CNBD1: variants seen among roughly 807,000 people sequenced by gnomAD.
The protein encoded by CNBD1 is cyclic nucleotide binding domain containing 1.
CNBD1 carries 71 observed loss-of-function variants against 54.4 expected under a neutral mutation model. That is an observed-to-expected ratio of 1.30 (90% CI 1.08 to 1.59). CNBD1 has a LOEUF of 1.59. Ranked by LOEUF, CNBD1 falls within the 40% of genes most tolerant of loss-of-function variation. CNBD1 has a pLI of 0.00. For synonymous variants in CNBD1, 182 were observed against 170.7 expected (o/e 1.07, Z -0.51); for missense variants, 659 against 518.0 (o/e 1.27, Z -2.64).
chr8:87,330,231 C>CTCTT lies in CNBD1; in HGVS notation c.1043-21453_1043-21452insCTTT, dbSNP rs77052306. On this transcript the variant is annotated intron_variant, in intron 8 of 10. Coordinates refer to ENST00000518476, the MANE Select transcript of CNBD1 (RefSeq NM_173538.3). ...TACTGGTAATTTGTGTTCCTTCTCT[C>CTCTT]TTTTTTTTTTTTTCAGTTAGCCTGG... Among the ~76,000 whole-genome samples, 377 of 130,776 alleles carry CTCTT rather than the reference C, an allele frequency of 2.9e-3. 4 individuals are homozygous for CTCTT. Among genetic ancestry groups the CTCTT allele is most frequent in the African/African-American group, 0.01 (360 of 35,550 alleles). The allele number at this position is 130,776 out of a possible 152,430, so 85.8% of individuals were successfully genotyped here. A position where few individuals can be genotyped will look rare whatever the true frequency, so the allele number is the denominator to read the frequency against.
intron 4 of CNBD1, among the ~76,000 whole-genome samples, chr8:87,000,017 G>A (rs1808959987): frequency 6.6e-6 from 1 of 152,094 alleles, no homozygotes; most frequent in Admixed American, 6.6e-5. Context: ...CATGGGTTCT[G>A]TATTTATCAG....
At chr8:87,224,285 G>A (rs1814422933) in intron 5 of CNBD1, among the ~76,000 whole-genome samples, 1 of 149,792 alleles carries the variant, frequency 6.7e-6, no homozygotes, top group Non-Finnish European at 1.5e-5. Context: ...TGTTGCCATT[G>A]CTTTTGGTGT....
chr8:87,383,361 A>C (rs896140042), downstream of CNBD1, among the ~76,000 whole-genome samples: 1 of 152,068 alleles, frequency 6.6e-6, no homozygotes, highest in Non-Finnish European at 1.5e-5. Flanking sequence ...AGTAAGGGGG[A>C]AAACCGTACG....
chr8:87,206,613 T>C (rs1020006188), intron 5 of CNBD1, among the ~76,000 whole-genome samples: 4 of 152,190 alleles, frequency 2.6e-5, no homozygotes, highest in African/African-American at 7.2e-5. Context: ...AGTCAGATAC[T>C]AACCCAGATA....
chr8:87,051,012 T>C (rs1379387126), intron 4 of CNBD1, among the ~76,000 whole-genome samples: 2 of 152,186 alleles, frequency 1.3e-5, no homozygotes, highest in South Asian at 2.1e-4. Context: ...TAAGTTAATA[T>C]TGGTTTCCAC....
intron 4 of CNBD1, among the ~76,000 whole-genome samples, chr8:87,143,205 C>T (rs1349996283): frequency 6.6e-6 from 1 of 152,086 alleles, no homozygotes; most frequent in Admixed American, 6.5e-5. Flanking sequence ...CCTTTAATTC[C>T]TAACATCAAG....
intron 8 of CNBD1, among the ~76,000 whole-genome samples, chr8:87,329,665 AAAT>A (rs1809774646): frequency 1.3e-5 from 2 of 152,088 alleles, no homozygotes; most frequent in Non-Finnish European, 2.9e-5. Context: ...ATTTATAATT[AAAT>A]AATATTATGT....
chr8:87,116,152 C>T (rs569972190), intron 4 of CNBD1, among the ~76,000 whole-genome samples: 1 of 145,830 alleles, frequency 6.9e-6, no homozygotes, highest in African/African-American at 2.5e-5. Flanking sequence ...TCTTCTTTGT[C>T]TGTCTGTCTA....
chr8:86,940,156 C>CGG (rs1175526301), intron 4 of CNBD1, among the ~76,000 whole-genome samples: 1 of 2,898 alleles, frequency 3.5e-4, no homozygotes, highest in Non-Finnish European at 7.7e-4. Flanking sequence ...TTTTTTGAGA[C>CGG]TGTTGCTCTT....
At position 87,281,573 on chromosome 8, in the gene CNBD1, T is replaced by G. The variant is rs1310047845; in HGVS notation, c.772-3105T>G. 2.7e-4 allele frequency among the ~76,000 whole-genome samples: 15 copies of G among 55,018 alleles called. 1 individual carries two copies. Among genetic ancestry groups the G allele is most frequent in the South Asian group, 1.4e-3 (3 of 2,152 alleles). The allele number at this position is 55,018 out of a possible 152,430, so 36.1% of individuals were successfully genotyped here. A position where few individuals can be genotyped will look rare whatever the true frequency, so the allele number is the denominator to read the frequency against. On this transcript the variant is annotated intron_variant, in intron 6 of 10. Transcript: ENST00000518476. ...ATATATATATATATATATATATATA[T>G]ATATATATATATATATATATATATA...
chr8:87,262,547 A>G (rs1808164025), intron 6 of CNBD1, among the ~76,000 whole-genome samples: 1 of 152,186 alleles, frequency 6.6e-6, no homozygotes, highest in Non-Finnish European at 1.5e-5. Flanking sequence ...AGGCAGAGAA[A>G]AGGTAAATTT....
chr8:87,339,935 T>C (rs1586028347), intron 8 of CNBD1, among the ~76,000 whole-genome samples: 1 of 152,354 alleles, frequency 6.6e-6, no homozygotes, highest in Admixed American at 6.5e-5. Flanking sequence ...AGTGTTATAG[T>C]ATTACAGTAT....
At chr8:86,888,052 T>A (rs1322139744) in intron 2 of CNBD1, among the ~76,000 whole-genome samples, 1 of 152,186 alleles carries the variant, frequency 6.6e-6, no homozygotes, top group Non-Finnish European at 1.5e-5. Context: ...TTAAGAGATC[T>A]ATTTCCTTGA....
Position 86,964,976 on chromosome 8 carries a change from G to A in CNBD1, c.431+25222G>A, listed in dbSNP as rs1033266889. Among the ~76,000 whole-genome samples, 7 of 152,182 alleles carry A rather than the reference G, an allele frequency of 4.6e-5. No individual in the cohort carries two copies. The South Asian group carries it at 6.2e-4, about 14-fold the overall frequency. On this transcript the variant is annotated intron_variant, in intron 4 of 10. Coordinates refer to ENST00000518476, the MANE Select transcript of CNBD1 (RefSeq NM_173538.3). ...GGAAAAGCTTTCTTCTTGAGGCAAT[G>A]CTTCTTTTCTGTGCCTCAAGGTGCT...
At chr8:87,399,675 G>C (rs763951195) in intron 2 of CNBD1, among the ~76,000 whole-genome samples, 7 of 151,938 alleles carry the variant, frequency 4.6e-5, no homozygotes, top group Non-Finnish European at 7.4e-5. Context: ...GTGCTTTTCA[G>C]AACAGGATCC....
chr8:87,092,457 ATG>A (rs200068900), intron 4 of CNBD1, among the ~76,000 whole-genome samples: 3,264 of 130,132 alleles, frequency 0.025, 54 homozygotes, highest in Non-Finnish European at 0.032. Context: ...ATATACACAT[ATG>A]TGTGTGTGTG....
At chr8:87,270,139 A>C (rs562481712) in intron 6 of CNBD1, among the ~76,000 whole-genome samples, 7 of 152,108 alleles carry the variant, frequency 4.6e-5, no homozygotes, top group African/African-American at 1.4e-4. Context: ...TGCCACATAA[A>C]TAGAATTAAT....
rs143124246 is a variant in CNBD1, at chr8:87,053,716, C to T, written c.431+113962C>T. Reference sequence around the variant, plus strand: ...TGGTGCTTCCCCTTTAACTCCCTTGCGTGACTGGTATGGATCCCAGGTCTC... The same window carrying T: ...TGGTGCTTCCCCTTTAACTCCCTTGTGTGACTGGTATGGATCCCAGGTCTC... On this transcript the variant is annotated intron_variant, in intron 4 of 10. Transcript: ENST00000518476. 1.1e-3 allele frequency among the ~76,000 whole-genome samples: 166 copies of T among 152,284 alleles called. 1 individual carries two copies. Among genetic ancestry groups the T allele is most frequent in the African/African-American group, 6.3e-4 (26 of 41,568 alleles).
intron 6 of CNBD1, among the ~76,000 whole-genome samples, chr8:87,282,792 T>G (rs10093061): frequency 0.28 from 42,725 of 151,762 alleles, 6,466 homozygotes; most frequent in African/African-American, 0.39. Context: ...AATAGATAAA[T>G]TGAAAAAATT....
Sources: allele counts gnomAD v4.1 joint callset (sites outside exome capture counted in the v4.1 genomes callset), GRCh38; gene constraint gnomAD v4.1.1; transcripts MANE v1.5; gene names NCBI Gene and HGNC (gene_info 2026-07-23, HGNC 2026-07-21).